Variants in VPS39 observed in about 807,000 individuals in gnomAD.
The protein encoded by VPS39 is VPS39 subunit of HOPS complex.
Under a neutral mutation model 121.0 loss-of-function variants are expected in VPS39, and 70 were observed. That is an observed-to-expected ratio of 0.58 (90% CI 0.48 to 0.71). The LOEUF (loss-of-function observed/expected upper bound fraction) is 0.71. Among genes scored for constraint, VPS39 ranks in the 30% least tolerant of loss-of-function variants. VPS39 has a pLI of 0.00. For synonymous variants in VPS39, 378 were observed against 398.1 expected, an observed-to-expected ratio of 0.95 and a Z score of 0.60; for missense variants, 818 against 1,051.5, an observed-to-expected ratio of 0.78 and a Z score of 3.07.
intron 2 of VPS39, among the ~76,000 whole-genome samples, chr15:42,196,100 G>A (rs148073759): frequency 0.01 from 1,598 of 152,224 alleles, 30 homozygotes; most frequent in African/African-American, 0.036. Flanking sequence ...AATGGTGCTC[G>A]GAAAACTGGC....
At chr15:42,181,148 T>C (rs1023707961) in intron 8 of VPS39, among the ~76,000 whole-genome samples, 1 of 152,190 alleles carries the variant, frequency 6.6e-6, no homozygotes, top group African/African-American at 2.4e-5. Context: ...ATAAACAAAA[T>C]GTGGTATATA....
At chr15:42,189,856 G>T (rs2049790482) in intron 4 of VPS39, among the ~76,000 whole-genome samples, 1 of 123,206 alleles carries the variant, frequency 8.1e-6, no homozygotes, top group Admixed American at 1.0e-4. Flanking sequence ...AGGCTAGAGT[G>T]CATCAACAAA....
intron 10 of VPS39, among the ~76,000 whole-genome samples, chr15:42,177,188 A>AC (rs2049471000): frequency 6.7e-6 from 1 of 149,380 alleles, no homozygotes; most frequent in African/African-American, 2.5e-5. Flanking sequence ...AAAAAAAAAA[A>AC]ACCTCAAAAA....
At chr15:42,168,604 C>T (rs921655379) in intron 12 of VPS39, among the ~76,000 whole-genome samples, 1 of 149,134 alleles carries the variant, frequency 6.7e-6, no homozygotes, top group Non-Finnish European at 1.5e-5. Context: ...AGTGTAGTGG[C>T]GCAATCTCGG....
intron 18 of VPS39, 97 bp from the exon 19 acceptor site, chr15:42,164,583 C>A: frequency 6.6e-7 from 1 of 1,514,662 alleles, no homozygotes; most frequent in South Asian, 1.3e-5. Context: ...AGGATGTCAC[C>A]ACATGACCAG....
intron 1 of VPS39, among the ~76,000 whole-genome samples, chr15:42,207,168 C>A (rs1400463469): frequency 1.4e-5 from 2 of 143,158 alleles, no homozygotes; most frequent in African/African-American, 6.1e-5. Context: ...GTATCAGACA[C>A]CACCAAGATT....
intron 1 of VPS39, 56 bp from the exon 2 acceptor site, chr15:42,200,017 G>A: frequency 4.0e-6 from 6 of 1,516,160 alleles, no homozygotes; most frequent in Non-Finnish European, 5.3e-6. Flanking sequence ...CTTTGAGAAA[G>A]GTCAATCAGC....
In VPS39 at chr15:42,191,170, G is replaced by A. The variant is rs2049820785; in HGVS notation, c.205-3C>T. Reference sequence around the variant, plus strand: ...TTAAACTGGGAAACCACATGGATCTGGAAAATAGGAAATCATGAGACCCAA... The same window carrying A: ...TTAAACTGGGAAACCACATGGATCTAGAAAATAGGAAATCATGAGACCCAA... On this transcript the variant is annotated splice_region_variant and splice_polypyrimidine_tract_variant and intron_variant, in intron 3 of 24. Transcript: ENST00000318006. The A allele has an allele frequency of 2.5e-6, 4 of 1,613,934 alleles. No individual in the cohort carries two copies. The highest frequency in any genetic ancestry group is 3.4e-6 in the Non-Finnish European group (4 of 1,179,964).
chr15:42,190,990 T>C (rs547586626), intron 4 of VPS39, 135 bp downstream of exon 4: 9 of 923,622 alleles, frequency 9.7e-6, no homozygotes, highest in South Asian at 1.5e-5. Context: ...TTATTAACCA[T>C]GTACCCTGTT....
At chr15:42,169,985 A>C in intron 11 of VPS39, 119 bp from the exon 12 acceptor site, 1 of 1,095,794 alleles carries the variant, frequency 9.1e-7, no homozygotes, top group East Asian at 2.6e-5. Context: ...AAAAAAAAAG[A>C]CTCTCAGTTC....
chr15:42,203,083 C>T (rs1179185641), intron 1 of VPS39, among the ~76,000 whole-genome samples: 1 of 151,870 alleles, frequency 6.6e-6, no homozygotes, highest in Non-Finnish European at 1.5e-5. Context: ...GTCTAGGGGC[C>T]GGGCACGGAG....
intron 1 of VPS39, among the ~76,000 whole-genome samples, chr15:42,202,596 CCAAAA>C (rs1409974377): frequency 1.3e-5 from 2 of 152,108 alleles, no homozygotes; most frequent in African/African-American, 2.4e-5. Flanking sequence ...AAATCTACAA[CCAAAA>C]CAAAAGGCCA....
At position 42,208,193 on chromosome 15, in the gene VPS39, G is replaced by A; in HGVS notation, c.-40C>T. ...AGTTGCCACCGCCGTCTCGCCCAGA[G>A]TGTTCCGGGCCGGGCTGGGGTCCGG... On this transcript the variant is annotated 5_prime_UTR_variant, in exon 1 of 25. Coordinates refer to ENST00000318006, the MANE Select transcript of VPS39 (RefSeq NM_015289.5). The A allele has an allele frequency of 6.4e-7, 1 of 1,554,220 alleles. No homozygotes were observed. The highest frequency in any genetic ancestry group is 8.7e-7 in the Non-Finnish European group (1 of 1,148,674).
chr15:42,169,752 T>G lies in VPS39; in HGVS notation c.1205A>C (p.His402Pro). 6.2e-7 allele frequency: 1 copy of G among 1,614,076 alleles called. No individual in the cohort carries two copies. ...VLSGAELEKA[H>P]LALIDYLTQK... ...TGTCAGGTAGTCAATCAGAGCTAAG[T>G]GAGCCTTCTCCAATTCAGCCCCGGA... Residue 402 changes from histidine to proline, a missense_variant, in exon 12 of 25, where the codon CAC (histidine) becomes CCC (proline). Transcript: ENST00000318006.
chr15:42,181,590 A>G (rs914186915), intron 8 of VPS39, among the ~76,000 whole-genome samples: 4 of 152,252 alleles, frequency 2.6e-5, no homozygotes, highest in African/African-American at 9.6e-5. Flanking sequence ...TTTAAAAGTA[A>G]AAAAATTAGT....
chr15:42,165,843 A>G (rs1414887154), intron 16 of VPS39, 27 bp from the exon 17 acceptor site: 2 of 1,602,248 alleles, frequency 1.2e-6, no homozygotes, highest in Admixed American at 3.3e-5. Flanking sequence ...GAGTTCCAGC[A>G]GCAGAACCAT....
intron 12 of VPS39, among the ~76,000 whole-genome samples, chr15:42,169,310 G>C (rs552548349): frequency 1.6e-3 from 246 of 152,302 alleles, no homozygotes; most frequent in African/African-American, 5.8e-3. Context: ...TCTGGTGGTA[G>C]AGTTATAGGT....
At position 42,206,189 on chromosome 15, in the gene VPS39, T is replaced by C. The variant is rs2050167646; in HGVS notation, c.73+1892A>G. On this transcript the variant is annotated intron_variant, in intron 1 of 24. Coordinates refer to ENST00000318006, the MANE Select transcript of VPS39 (RefSeq NM_015289.5). ...CAGAGTATGTTGTCTCTAAGACATT[T>C]ACACCTCAAATACTATTTGGCCCTG... Among the ~76,000 whole-genome samples the C allele has an allele frequency of 2.6e-5, 4 of 152,210 alleles. No homozygotes were observed. In the South Asian group the frequency reaches 8.3e-4, roughly 32 times the overall value.
At chr15:42,203,441 T>C (rs909515732) in intron 1 of VPS39, among the ~76,000 whole-genome samples, 2 of 150,418 alleles carry the variant, frequency 1.3e-5, no homozygotes, top group African/African-American at 4.9e-5. Flanking sequence ...ACCACTGCAC[T>C]CCAGCCTGGG....
Sources: allele counts gnomAD v4.1 joint callset (sites outside exome capture counted in the v4.1 genomes callset), GRCh38; gene constraint gnomAD v4.1.1; transcripts MANE v1.5; gene names NCBI Gene and HGNC (gene_info 2026-07-23, HGNC 2026-07-21).